Variants in RALYL observed in about 807,000 individuals in gnomAD.
The protein encoded by RALYL is RNA-binding Raly-like protein.
A neutral mutation model predicts 35.1 loss-of-function variants in RALYL; 29 were observed. That is an observed-to-expected ratio of 0.83 (90% confidence interval 0.61 to 1.13). RALYL has a LOEUF of 1.13. Ranked by LOEUF, RALYL falls within the 50% of genes most tolerant of loss-of-function variation. The pLI, the probability that RALYL is intolerant of heterozygous loss-of-function variation, is 0.00. For synonymous variants in RALYL, 120 were observed against 127.6 expected, an observed-to-expected ratio of 0.94 and a Z score of 0.40; for missense variants, 359 against 360.4, an observed-to-expected ratio of 1.00 and a Z score of 0.03.
intron 1 of RALYL, among the ~76,000 whole-genome samples, chr8:84,317,818 T>C (rs561133136): frequency 1.3e-5 from 2 of 152,316 alleles, no homozygotes; most frequent in South Asian, 4.1e-4. Context: ...TACGTTGACC[T>C]ACTTGGAAAA....
At chr8:84,287,934 G>A (rs1294238824) in intron 1 of RALYL, among the ~76,000 whole-genome samples, 2 of 152,106 alleles carry the variant, frequency 1.3e-5, no homozygotes, top group Non-Finnish European at 2.9e-5. Flanking sequence ...TGTGATTACT[G>A]AGATCAAAGC....
In RALYL at chr8:84,424,824, G is replaced by C. The variant is rs930337944; in HGVS notation, c.-23-104475G>C. On this transcript the variant is annotated intron_variant, in intron 1 of 8. Coordinates refer to ENST00000521268, the MANE Select transcript of RALYL (RefSeq NM_173848.7). ...ATACCCTGCTGTGTGAGGTGTCAGT[G>C]TGCCCCTGCTGGGGGGTGCCTCCCA... Among the ~76,000 whole-genome samples, 25 of 152,164 alleles carry C rather than the reference G, an allele frequency of 1.6e-4. No homozygotes were observed. In the East Asian group the frequency reaches 3.5e-3, roughly 21 times the overall value.
At chr8:84,574,775 G>A (rs1808917571) in intron 2 of RALYL, among the ~76,000 whole-genome samples, 1 of 152,050 alleles carries the variant, frequency 6.6e-6, no homozygotes. Context: ...CTCTGTCATG[G>A]CTGAAAGTAG....
chr8:84,767,646 C>T (rs1477186988), intron 2 of RALYL, among the ~76,000 whole-genome samples: 1 of 152,134 alleles, frequency 6.6e-6, no homozygotes, highest in African/African-American at 2.4e-5. Context: ...TTCTCTTAAC[C>T]TGTGGTTTGT....
chr8:84,664,855 A>G (rs1831662376), intron 2 of RALYL, among the ~76,000 whole-genome samples: 1 of 152,072 alleles, frequency 6.6e-6, no homozygotes, highest in Non-Finnish European at 1.5e-5. Context: ...AGAACTTCCA[A>G]TACTATGTTG....
intron 2 of RALYL, among the ~76,000 whole-genome samples, chr8:84,583,557 T>C (rs1290232017): frequency 6.6e-6 from 1 of 152,140 alleles, no homozygotes; most frequent in Non-Finnish European, 1.5e-5. Flanking sequence ...CTAAGATTTC[T>C]AGAAGTCCAG....
chr8:84,671,214 C>T (rs373065839), intron 2 of RALYL, among the ~76,000 whole-genome samples: 1 of 152,272 alleles, frequency 6.6e-6, no homozygotes, highest in South Asian at 2.1e-4. Flanking sequence ...GAGGTGGGCT[C>T]CCACAGTCTT....
chr8:84,251,072 G>C (rs952736900), intron 1 of RALYL, among the ~76,000 whole-genome samples: 6 of 152,104 alleles, frequency 3.9e-5, no homozygotes, highest in Non-Finnish European at 8.8e-5. Flanking sequence ...TGACAGGTAA[G>C]GAGTTCTAAG....
intron 2 of RALYL, among the ~76,000 whole-genome samples, chr8:84,654,156 A>G (rs1046235309): frequency 6.7e-6 from 1 of 148,908 alleles, no homozygotes; most frequent in Non-Finnish European, 1.5e-5. Context: ...TATATAGTGT[A>G]TATATGTATC....
At chr8:84,424,991 T>G (rs2046184928) in intron 1 of RALYL, among the ~76,000 whole-genome samples, 1 of 152,010 alleles carries the variant, frequency 6.6e-6, no homozygotes, top group Admixed American at 6.5e-5. Flanking sequence ...CAGAGGTTAC[T>G]GCTGTCTTTT....
intron 2 of RALYL, among the ~76,000 whole-genome samples, chr8:84,758,392 A>G (rs1260881891): frequency 6.6e-6 from 1 of 152,236 alleles, no homozygotes; most frequent in Non-Finnish European, 1.5e-5. Flanking sequence ...TTATCCCAAA[A>G]TATCATAGCC....
At chr8:84,742,570 C>G (rs1807629592) in intron 2 of RALYL, among the ~76,000 whole-genome samples, 1 of 152,012 alleles carries the variant, frequency 6.6e-6, no homozygotes. Flanking sequence ...CTGCCTCAGT[C>G]CCATGTTCCA....
intron 8 of RALYL, among the ~76,000 whole-genome samples, chr8:84,891,032 C>A (rs905002868): frequency 5.3e-5 from 8 of 152,056 alleles, no homozygotes; most frequent in Non-Finnish European, 2.9e-5. Context: ...AAAACAAAGT[C>A]TGTACTTAGG....
Position 84,887,592 on chromosome 8 carries a change from TC to T in RALYL, c.686-3del, listed in dbSNP as rs10712255. On this transcript the variant is annotated splice_polypyrimidine_tract_variant and intron_variant, in intron 7 of 8. Transcript: ENST00000521268. ...CCCAAGGTAGTAGTCATTTGCTTTC[TC>T]CCCCCCCCAGAAGCTCAGAAGAAGC... is the stretch of plus-strand genomic sequence containing the variant. The T allele has an allele frequency of 0.35, 539,869 of 1,561,686 alleles. 102,009 individuals carry two copies. Among genetic ancestry groups the T allele is most frequent in the East Asian group, 0.76 (33,388 of 44,076 alleles).
rs56387511 is a variant in RALYL at position 84,367,318 on chromosome 8, ATTTTTTTTTTTTTTTTTTTTT to A, written c.-23-161950_-23-161930del. 1.2e-3 allele frequency among the ~76,000 whole-genome samples: 34 copies of A among 27,404 alleles called. 4 individuals carry two copies. The highest frequency in any genetic ancestry group is 0.02 in the Middle Eastern group (1 of 50). 18.0% of individuals were successfully genotyped at this position (27,404 alleles called of 152,430 possible). On this transcript the variant is annotated intron_variant, in intron 1 of 8. Coordinates refer to ENST00000521268, the MANE Select transcript of RALYL (RefSeq NM_173848.7). ...GCCATCCTGCCCAACTAATTTTTGT[ATTTTTTTTTTTTTTTTTTTTT>A]TTTTTTTTTTTTTTTTTTTTTTTTT...
intron 2 of RALYL, among the ~76,000 whole-genome samples, chr8:84,575,207 A>G (rs1809042034): frequency 6.6e-6 from 1 of 152,200 alleles, no homozygotes; most frequent in Admixed American, 6.5e-5. Flanking sequence ...ACTTGTTTAT[A>G]AGCCAGACCT....
rs1430665348 is a variant in RALYL at position 84,842,604 on chromosome 8, CCTAA to C, written c.366-7371_366-7368del. ...ATCAATAGAAAAAGAAGGAATCCTC[CCTAA>C]CTAATTTTATGAGGCCTGCATCATA... On this transcript the variant is annotated intron_variant, in intron 4 of 8. Coordinates refer to ENST00000521268, the MANE Select transcript of RALYL (RefSeq NM_173848.7). Among the ~76,000 whole-genome samples, 15 of 152,250 alleles carry C rather than the reference CCTAA, an allele frequency of 9.9e-5. No homozygotes were observed. The East Asian group carries it at 1.9e-3, about 20-fold the overall frequency.
intron 2 of RALYL, among the ~76,000 whole-genome samples, chr8:84,576,994 G>T (rs1401888800): frequency 1.3e-5 from 2 of 152,184 alleles, no homozygotes; most frequent in Non-Finnish European, 2.9e-5. Flanking sequence ...CCACCACCTT[G>T]ACTGTCTTCT....
intron 2 of RALYL, among the ~76,000 whole-genome samples, chr8:84,709,111 A>G (rs1589132116): frequency 6.6e-6 from 1 of 152,138 alleles, no homozygotes; most frequent in South Asian, 2.1e-4. Context: ...CCCTCTTCTT[A>G]TAGTCTTGGC....
Sources: allele counts gnomAD v4.1 joint callset (sites outside exome capture counted in the v4.1 genomes callset), GRCh38; gene constraint gnomAD v4.1.1; transcripts MANE v1.5; gene names NCBI Gene and HGNC (gene_info 2026-07-23, HGNC 2026-07-21).